Variants in IFT43 observed in about 807,000 individuals in gnomAD.
IFT43 encodes intraflagellar transport 43.
In IFT43, 33 loss-of-function variants were observed where a neutral mutation model predicts 32.3. That is an observed-to-expected ratio of 1.02 (90% confidence interval 0.77 to 1.37). The LOEUF (loss-of-function observed/expected upper bound fraction) is 1.37, where lower values mean the gene tolerates loss of function less well. IFT43 is among the 40% of genes most tolerant of loss of function. IFT43 has a pLI of 0.00. For synonymous variants in IFT43, 93 were observed against 98.2 expected, an observed-to-expected ratio of 0.95 and a Z score of 0.31; for missense variants, 274 against 265.9, an observed-to-expected ratio of 1.03 and a Z score of -0.21.
intron 3 of IFT43, chr14:76,058,414 C>T (rs1463431189): frequency 2.1e-6 from 1 of 485,626 alleles, no homozygotes; most frequent in East Asian, 4.1e-5. Flanking sequence ...CTTACACTCT[C>T]AACAATCCAA....
intron 2 of IFT43, among the ~76,000 whole-genome samples, chr14:76,012,786 T>C (rs1451610871): frequency 6.6e-6 from 1 of 152,204 alleles, no homozygotes; most frequent in Admixed American, 6.5e-5. Flanking sequence ...TAAAACAAGT[T>C]TAGGGAATGT....
chr14:76,072,646 A>T (rs932734634), intron 5 of IFT43, among the ~76,000 whole-genome samples: 1 of 152,200 alleles, frequency 6.6e-6, no homozygotes, highest in African/African-American at 2.4e-5. Context: ...AGGAACACAG[A>T]GAGAAAGCTC....
At chr14:75,985,975 A>C in intron 1 of IFT43, 135 bp downstream of exon 1, 1 of 1,530,210 alleles carries the variant, frequency 6.5e-7, no homozygotes, top group Non-Finnish European at 8.8e-7. Context: ...AGAAGGAGGC[A>C]GCCTCACCGC....
At chr14:76,058,549 T>G (rs1434170733) in intron 3 of IFT43, 93 bp from the exon 4 acceptor site, 9 of 1,465,490 alleles carry the variant, frequency 6.1e-6, no homozygotes. Flanking sequence ...ATATACTAAT[T>G]TGCCTCCACT....
intron 3 of IFT43, among the ~76,000 whole-genome samples, chr14:76,034,658 C>G (rs770235459): frequency 1.1e-4 from 16 of 152,314 alleles, no homozygotes; most frequent in Middle Eastern, 3.4e-3. Flanking sequence ...GATACCTTGG[C>G]TTTATTTGCA....
chr14:76,052,026 G>C (rs916166432), intron 3 of IFT43, among the ~76,000 whole-genome samples: 6 of 152,186 alleles, frequency 3.9e-5, no homozygotes, highest in African/African-American at 1.4e-4. Context: ...CACAGGCAAG[G>C]CTCCAGGTGC....
At chr14:76,080,637 C>T (rs1030011461) in intron 5 of IFT43, among the ~76,000 whole-genome samples, 2 of 152,202 alleles carry the variant, frequency 1.3e-5, no homozygotes, top group Non-Finnish European at 2.9e-5. Context: ...TGTCACACTG[C>T]CGATGGTGCG....
chr14:76,019,848 CTT>C, intron 2 of IFT43, among the ~76,000 whole-genome samples: 1 of 151,926 alleles, frequency 6.6e-6, no homozygotes, highest in African/African-American at 2.4e-5. Context: ...TATTGAAGCT[CTT>C]GATTGTATTT....
chr14:75,989,003 T>C, intron 2 of IFT43, 26 bp downstream of exon 2: 1 of 1,612,752 alleles, frequency 6.2e-7, no homozygotes, highest in Non-Finnish European at 8.5e-7. Context: ...AAAGAAAATC[T>C]GAAGAAATAC....
At chr14:76,047,841 G>A (rs1293501420) in intron 3 of IFT43, among the ~76,000 whole-genome samples, 1 of 151,944 alleles carries the variant, frequency 6.6e-6, no homozygotes, top group Non-Finnish European at 1.5e-5. Context: ...CTGCGTGGGG[G>A]TTGTCAGAAT....
chr14:76,020,830 A>C (rs985089217), intron 2 of IFT43, among the ~76,000 whole-genome samples: 7 of 152,126 alleles, frequency 4.6e-5, no homozygotes, highest in Non-Finnish European at 7.4e-5. Context: ...TGGGCAGGTC[A>C]GTCCTTAGGC....
At chr14:76,030,235 T>G (rs1241419099) in intron 3 of IFT43, among the ~76,000 whole-genome samples, 1 of 147,266 alleles carries the variant, frequency 6.8e-6, no homozygotes, top group Non-Finnish European at 1.5e-5. Flanking sequence ...ATCATCACAG[T>G]TTTTTTTTCT....
chr14:76,017,781 G>C (rs943060754), intron 2 of IFT43, among the ~76,000 whole-genome samples: 2 of 152,052 alleles, frequency 1.3e-5, no homozygotes, highest in Admixed American at 6.6e-5. Context: ...AATCTTGGTA[G>C]GTTGTACGTG....
At chr14:76,031,872 CT>C (rs1329412202) in intron 3 of IFT43, among the ~76,000 whole-genome samples, 2 of 152,162 alleles carry the variant, frequency 1.3e-5, no homozygotes, top group Non-Finnish European at 2.9e-5. Context: ...TCAACACTCA[CT>C]TTCTGCATGA....
At chr14:76,024,869 A>G (rs577429002) in intron 3 of IFT43, among the ~76,000 whole-genome samples, 1 of 152,360 alleles carries the variant, frequency 6.6e-6, no homozygotes, top group East Asian at 1.9e-4. Flanking sequence ...ATTCTAGGCC[A>G]GCCTGACAGA....
At chr14:76,076,793 A>G (rs1490715654) in intron 5 of IFT43, 2 of 1,395,474 alleles carry the variant, frequency 1.4e-6, no homozygotes, top group East Asian at 4.7e-5. Context: ...TATTATCCGT[A>G]ATGAATGTAT....
At chr14:76,064,573 G>A (rs1474228243) in intron 5 of IFT43, among the ~76,000 whole-genome samples, 1 of 152,210 alleles carries the variant, frequency 6.6e-6, no homozygotes, top group Non-Finnish European at 1.5e-5. Context: ...AATGGAGGCT[G>A]GTTAGTTGTA....
chr14:76,026,569 A>G (rs568568593), intron 3 of IFT43, among the ~76,000 whole-genome samples: 2 of 152,000 alleles, frequency 1.3e-5, no homozygotes, highest in East Asian at 3.9e-4. Context: ...AAAAAAAAAA[A>G]AAGTCAAAAA....
Position 75,988,902 on chromosome 14 carries a change from C to T in IFT43, c.72C>T (p.Arg24=). The T allele has an allele frequency of 6.2e-7, 1 of 1,613,950 alleles. No homozygotes were observed. Among genetic ancestry groups the T allele is most frequent in the Non-Finnish European group, 8.5e-7 (1 of 1,180,020 alleles). ...CCTTACAGAGGGCCAAGATGGGTCGCCGAGCTCAACAGGAGTCAGCGCAGG... is the reference window on the plus strand; with the variant it reads ...CCTTACAGAGGGCCAAGATGGGTCGTCGAGCTCAACAGGAGTCAGCGCAGG... ...SLATSRAKMG[R]RAQQESAQAE... is the part of the protein sequence containing the mutation. The change falls in exon 2 of 9, where the codon CGC becomes CGT. Residue 24 remains arginine (R), a synonymous_variant. Coordinates refer to ENST00000314067, the MANE Select transcript of IFT43 (RefSeq NM_001102564.3).
Sources: allele counts gnomAD v4.1 joint callset (sites outside exome capture counted in the v4.1 genomes callset), GRCh38; gene constraint gnomAD v4.1.1; transcripts MANE v1.5; gene names NCBI Gene and HGNC (gene_info 2026-07-23, HGNC 2026-07-21).